NRG3: variants seen among roughly 807,000 people sequenced by gnomAD.
NRG3 encodes neuregulin 3, also known as pro-neuregulin-3, membrane-bound isoform.
A neutral mutation model predicts 66.9 loss-of-function variants in NRG3; 31 were observed. That is an observed-to-expected ratio of 0.46 (90% confidence interval 0.35 to 0.63). The LOEUF is 0.63. Ranked by LOEUF, NRG3 falls within the 20% of genes least tolerant of loss-of-function variation. The probability of loss-of-function intolerance (pLI) is 0.00; values close to 1 mark genes in which losing one functional copy is unlikely to be tolerated. For synonymous variants in NRG3, 393 were observed against 359.4 expected (o/e 1.09, Z -1.06); for missense variants, 910 against 878.9 (o/e 1.04, Z -0.45).
chr10:82,129,435 G>C (rs950775817), intron 1 of NRG3, among the ~76,000 whole-genome samples: 3 of 152,032 alleles, frequency 2.0e-5, no homozygotes, highest in African/African-American at 7.3e-5. Flanking sequence ...GTACATAGTT[G>C]GTGTATGTAT....
intron 1 of NRG3, among the ~76,000 whole-genome samples, chr10:82,290,708 C>T (rs1230649185): frequency 6.6e-6 from 1 of 151,528 alleles, no homozygotes; most frequent in Admixed American, 6.6e-5. Flanking sequence ...GATCTCGGCT[C>T]ACTGCAACCT....
intron 6 of NRG3, among the ~76,000 whole-genome samples, chr10:82,972,808 G>A (rs531583829): frequency 3.9e-5 from 6 of 151,954 alleles, no homozygotes; most frequent in South Asian, 2.1e-4. Flanking sequence ...ATTCAAAAAG[G>A]TTGATTAACT....
intron 5 of NRG3, among the ~76,000 whole-genome samples, chr10:82,957,603 G>T (rs941261417): frequency 1.8e-4 from 27 of 151,906 alleles, no homozygotes; most frequent in Admixed American, 1.8e-3. Context: ...GAAAACCGCA[G>T]CTTTGCATGA....
intron 2 of NRG3, among the ~76,000 whole-genome samples, chr10:82,591,717 A>G (rs2046993752): frequency 6.6e-6 from 1 of 152,224 alleles, no homozygotes; most frequent in Non-Finnish European, 1.5e-5. Flanking sequence ...TACAACTCAC[A>G]AAAACCTTCT....
chr10:82,363,978 T>G (rs144064290), intron 2 of NRG3, among the ~76,000 whole-genome samples: 6 of 152,126 alleles, frequency 3.9e-5, no homozygotes, highest in African/African-American at 1.4e-4. Context: ...CTTGAACATA[T>G]AGTAGAATCC....
chr10:82,033,938 A>G (rs983508372), intron 1 of NRG3, among the ~76,000 whole-genome samples: 7 of 152,156 alleles, frequency 4.6e-5, no homozygotes, highest in African/African-American at 1.7e-4. Flanking sequence ...GTCATTTGAC[A>G]TTATAGTAAT....
At position 81,875,737 on chromosome 10, in the gene NRG3, T is replaced by A; in HGVS notation, c.397T>A (p.Ser133Thr). 1 of 1,612,540 alleles carries A rather than the reference T, an allele frequency of 6.2e-7. No homozygotes were observed. The highest frequency in any genetic ancestry group is 8.5e-7 in the Non-Finnish European group (1 of 1,179,660). ...CATGGAGACCACCACCACTACCACT[T>A]CCACCACGTCCCCCGCCACCCCCTC... ...KAMETTTTTTSTTSPATPSAG... is the reference protein window; with the variant it reads ...KAMETTTTTTTTTSPATPSAG... Residue 133 changes from serine to threonine, a missense_variant, in exon 1 of 9, where the codon TCC (serine) becomes ACC (threonine). Physicochemically the swap from Ser to Thr is moderately conservative, Grantham distance 58 (BLOSUM62 1). Transcript: ENST00000372141. The surrounding 1 kb of genome is among the most constrained non-coding windows in gnomAD (Gnocchi z 5.3).
chr10:82,543,765 A>C (rs1183528211), intron 2 of NRG3, among the ~76,000 whole-genome samples: 1 of 152,216 alleles, frequency 6.6e-6, no homozygotes, highest in Non-Finnish European at 1.5e-5. Context: ...TCAAGGATTC[A>C]TTCGTTCAGC....
intron 2 of NRG3, among the ~76,000 whole-genome samples, chr10:82,390,046 T>A (rs1384870550): frequency 6.6e-6 from 1 of 152,162 alleles, no homozygotes; most frequent in Non-Finnish European, 1.5e-5. Flanking sequence ...TGGTGTTCAA[T>A]TTACTGTCTG....
At chr10:81,970,718 G>A (rs1411144741) in intron 1 of NRG3, among the ~76,000 whole-genome samples, 3 of 152,060 alleles carry the variant, frequency 2.0e-5, no homozygotes, top group African/African-American at 7.2e-5. Flanking sequence ...GGTATGGAGA[G>A]TCAGACTTCC....
intron 2 of NRG3, among the ~76,000 whole-genome samples, chr10:82,706,322 T>C (rs550624965): frequency 3.9e-4 from 60 of 152,314 alleles, no homozygotes; most frequent in African/African-American, 1.3e-3. Context: ...GATGATTGCC[T>C]AGTTACCATT....
rs972282595 is a variant in NRG3 at position 82,314,461 on chromosome 10, T to TA, written c.824-44268dup. Reference sequence around the variant, plus strand: ...TATAGTGGGAAATTAATTTAAAATTTAAAAAAAAAATGACTGACCCATTTG... The same window carrying TA: ...TATAGTGGGAAATTAATTTAAAATTTAAAAAAAAAAATGACTGACCCATTTG... On this transcript the variant is annotated intron_variant, in intron 1 of 8. Transcript: ENST00000372141. Among the ~76,000 whole-genome samples, 806 of 149,690 alleles carry TA rather than the reference T, an allele frequency of 5.4e-3. 8 individuals carry two copies. Among genetic ancestry groups the TA allele is most frequent in the African/African-American group, 0.018 (742 of 40,762 alleles).
chr10:82,299,736 C>T (rs1236067913), intron 1 of NRG3, among the ~76,000 whole-genome samples: 6 of 152,106 alleles, frequency 3.9e-5, no homozygotes, highest in Non-Finnish European at 8.8e-5. Flanking sequence ...CTAGCCCTTG[C>T]AGAAAAAGTT....
At chr10:81,898,851 T>C (rs1421696281) in intron 1 of NRG3, among the ~76,000 whole-genome samples, 1 of 152,114 alleles carries the variant, frequency 6.6e-6, no homozygotes. Flanking sequence ...GAAAAACAGG[T>C]TTAAAGTTAT....
intron 3 of NRG3, among the ~76,000 whole-genome samples, chr10:82,753,763 A>G (rs2134973513): frequency 6.6e-6 from 1 of 152,146 alleles, no homozygotes; most frequent in African/African-American, 2.4e-5. Flanking sequence ...CCTGGCCAAC[A>G]TGGTGAAACC....
chr10:82,471,909 G>A (rs1428412109), intron 2 of NRG3, among the ~76,000 whole-genome samples: 1 of 151,812 alleles, frequency 6.6e-6, no homozygotes, highest in African/African-American at 2.4e-5. Flanking sequence ...AAAAATCAAG[G>A]TTTGTATATT....
chr10:82,055,846 A>G (rs938990452), intron 1 of NRG3, among the ~76,000 whole-genome samples: 2 of 152,200 alleles, frequency 1.3e-5, no homozygotes, highest in African/African-American at 2.4e-5. Context: ...AGGCAGGTTT[A>G]TCTGTAATGG....
chr10:82,295,840 A>G (rs1210655020), intron 1 of NRG3, among the ~76,000 whole-genome samples: 1 of 152,064 alleles, frequency 6.6e-6, no homozygotes, highest in Non-Finnish European at 1.5e-5. Context: ...AATTCAACAA[A>G]TACTTATTGA....
At chr10:81,965,949 T>A (rs2059715694) in intron 1 of NRG3, among the ~76,000 whole-genome samples, 1 of 152,104 alleles carries the variant, frequency 6.6e-6, no homozygotes, top group Non-Finnish European at 1.5e-5. Flanking sequence ...GATGGGGAAA[T>A]CCTTGTATTG....
Sources: allele counts gnomAD v4.1 joint callset (sites outside exome capture counted in the v4.1 genomes callset), GRCh38; gene constraint gnomAD v4.1.1; non-coding constraint Gnocchi (gnomAD v3.1); transcripts MANE v1.5; gene names NCBI Gene and HGNC (gene_info 2026-07-23, HGNC 2026-07-21).